The following KIF4A variants were observed in gnomAD, a reference collection of about 807,000 sequenced individuals.
KIF4A encodes kinesin family member 4A, also known as chromosome-associated kinesin KIF4A.
Under a neutral mutation model 105.9 loss-of-function variants are expected in KIF4A, and 7 were observed. The observed-to-expected ratio is 0.07, with a 90% confidence interval of 0.04 to 0.12. KIF4A has a LOEUF of 0.12. Among genes scored for constraint, KIF4A ranks in the 10% least tolerant of loss-of-function variants. KIF4A has a pLI of 1.00. For synonymous variants in KIF4A, 281 were observed against 331.3 expected (o/e 0.85, Z 1.65); for missense variants, 558 against 929.2 (o/e 0.60, Z 5.19).
At chrX:70,392,679 T>C (rs2086241759) in intron 20 of KIF4A, among the ~76,000 whole-genome samples, 1 of 109,301 alleles carries the variant, frequency 9.1e-6, no homozygotes. Context: ...TTCCTGTTTG[T>C]ATGTTTTCTC....
intron 18 of KIF4A, among the ~76,000 whole-genome samples, chrX:70,381,676 A>G (rs1467638048): frequency 8.9e-6 from 1 of 112,491 alleles, no homozygotes; most frequent in Admixed American, 9.4e-5. Flanking sequence ...TTAATTAAGG[A>G]AGACTTAAAT....
chrX:70,324,998 T>C (rs1377146426), intron 7 of KIF4A, among the ~76,000 whole-genome samples: 1 of 111,592 alleles, frequency 9.0e-6, no homozygotes, highest in Non-Finnish European at 1.9e-5. Context: ...CCCAGGCTGG[T>C]CGTGAACTCC....
chrX:70,342,828 T>C (rs1338241650), intron 11 of KIF4A, among the ~76,000 whole-genome samples: 2 of 112,431 alleles, frequency 1.8e-5, no homozygotes, highest in Non-Finnish European at 3.8e-5. Context: ...GTGTTTCACA[T>C]GTATGTGAAT....
intron 15 of KIF4A, among the ~76,000 whole-genome samples, chrX:70,359,052 C>T (rs2086063317): frequency 8.9e-6 from 1 of 112,075 alleles, no homozygotes; most frequent in African/African-American, 3.2e-5. Flanking sequence ...TGGCATGCTT[C>T]TTCTTGATGT....
At chrX:70,343,075 C>T (rs1441757141) in intron 11 of KIF4A, among the ~76,000 whole-genome samples, 2 of 111,776 alleles carry the variant, frequency 1.8e-5, no homozygotes, top group African/African-American at 6.5e-5. Flanking sequence ...CTTCCCAAAA[C>T]GTAAGCTGCC....
At chrX:70,352,176 G>A (rs1251748754) in intron 13 of KIF4A, among the ~76,000 whole-genome samples, 6 of 112,293 alleles carry the variant, frequency 5.3e-5, no homozygotes, top group Non-Finnish European at 7.5e-5. Flanking sequence ...TCTGTTCGTA[G>A]AATGGTATGT....
rs531098710 is a variant in KIF4A at position 70,331,962 on chromosome X, A to C, written c.1071+1630A>C. Among the ~76,000 whole-genome samples, 323 of 111,992 alleles carry C rather than the reference A, an allele frequency of 2.9e-3. 2 individuals carry two copies. In the South Asian group the frequency reaches 0.058, roughly 20 times the overall value. On this transcript the variant is annotated intron_variant, in intron 9 of 30. Coordinates refer to ENST00000374403, the MANE Select transcript of KIF4A (RefSeq NM_012310.5). ...GCAGTGGTGATAGAAAGAAGTAACCAATGAATTAGATAAAGGAATGACACC... is the reference window on the plus strand; with the variant it reads ...GCAGTGGTGATAGAAAGAAGTAACCCATGAATTAGATAAAGGAATGACACC...
At chrX:70,323,771 C>T (rs1364854669) in intron 7 of KIF4A, among the ~76,000 whole-genome samples, 1 of 110,441 alleles carries the variant, frequency 9.1e-6, no homozygotes, top group Non-Finnish European at 1.9e-5. Flanking sequence ...TATACTTCCT[C>T]CTAACTACTT....
intron 15 of KIF4A, among the ~76,000 whole-genome samples, chrX:70,364,223 G>C (rs1003585809): frequency 1.8e-5 from 2 of 111,733 alleles, no homozygotes; most frequent in African/African-American, 6.5e-5. Flanking sequence ...TTCTTTTGCT[G>C]TGCAGAAGCT....
chrX:70,386,788 G>T (rs758815318), intron 19 of KIF4A, 87 bp downstream of exon 19: 1 of 683,863 alleles, frequency 1.5e-6, no homozygotes, highest in East Asian at 3.4e-5. Context: ...ACTAGCAAGC[G>T]TCCTGAGAAA....
chrX:70,355,906 C>G (rs2086049187), intron 15 of KIF4A, among the ~76,000 whole-genome samples: 1 of 112,079 alleles, frequency 8.9e-6, no homozygotes, highest in African/African-American at 3.2e-5. Context: ...TTAATTTTCA[C>G]CACTTTTTCC....
At chrX:70,358,400 T>G (rs1013958313) in intron 15 of KIF4A, among the ~76,000 whole-genome samples, 1 of 111,933 alleles carries the variant, frequency 8.9e-6, no homozygotes, top group African/African-American at 3.2e-5. Flanking sequence ...GCTTTTCTGA[T>G]CTCTTTCTTC....
At chrX:70,373,541 T>C (rs1245087480) in intron 15 of KIF4A, among the ~76,000 whole-genome samples, 1 of 52,290 alleles carries the variant, frequency 1.9e-5, no homozygotes, top group Non-Finnish European at 3.5e-5. Context: ...TATATATATA[T>C]ATATATATAT....
At chrX:70,378,327 T>C (rs2086182991) in intron 18 of KIF4A, among the ~76,000 whole-genome samples, 1 of 110,532 alleles carries the variant, frequency 9.0e-6, no homozygotes, top group South Asian at 3.8e-4. Flanking sequence ...TTTTTTTTAA[T>C]TGAAGAAAGA....
chrX:70,306,856 T>C (rs959208451), intron 7 of KIF4A, among the ~76,000 whole-genome samples: 1 of 110,028 alleles, frequency 9.1e-6, no homozygotes, highest in Non-Finnish European at 1.9e-5. Flanking sequence ...TTTTTTTTTT[T>C]AGAGACAAGA....
rs752327748 is a variant in KIF4A, at chrX:70,386,622, G to A, written c.2039G>A (p.Arg680His). The A allele has an allele frequency of 9.2e-5, 111 of 1,201,848 alleles. No individual in the cohort carries two copies. The highest frequency in any genetic ancestry group is 4.4e-5 in the Admixed American group (2 of 45,684). The change falls in exon 19 of 31, where the codon CGT becomes CAT. Residue 680 changes from arginine to histidine, a missense_variant. By Grantham distance (29) the Arg-to-His change is conservative. Coordinates refer to ENST00000374403, the MANE Select transcript of KIF4A (RefSeq NM_012310.5). Reference sequence around the variant, plus strand: ...ATCTGACTTTTTTCTTGTCAGGACCGTAAGAGGCAATATGAGCTGCTGAAA... The same window carrying A: ...ATCTGACTTTTTTCTTGTCAGGACCATAAGAGGCAATATGAGCTGCTGAAA... ...KEVIQLKERD[R>H]KRQYELLKLE...
intron 11 of KIF4A, among the ~76,000 whole-genome samples, chrX:70,342,518 A>G (rs2085976322): frequency 8.9e-6 from 1 of 112,080 alleles, no homozygotes; most frequent in Non-Finnish European, 1.9e-5. Context: ...CTCTATCACT[A>G]AGGTTTTTCT....
intron 9 of KIF4A, among the ~76,000 whole-genome samples, chrX:70,333,280 A>G (rs2085937978): frequency 9.4e-6 from 1 of 106,165 alleles, no homozygotes; most frequent in Admixed American, 1.0e-4. Context: ...CAGAAGTGCC[A>G]CTGCACTCCA....
intron 10 of KIF4A, among the ~76,000 whole-genome samples, chrX:70,336,973 C>A (rs1380335678): frequency 8.9e-6 from 1 of 112,002 alleles, no homozygotes; most frequent in South Asian, 3.7e-4. Context: ...ACTCTAGGTA[C>A]CTCATATGAA....
Sources: gnomAD v4.1 joint callset for allele counts (sites outside exome capture counted in the v4.1 genomes callset) on GRCh38, gnomAD v4.1.1 for gene constraint, MANE v1.5 for transcripts, NCBI Gene and HGNC (gene_info 2026-07-23, HGNC 2026-07-21) for gene names.